The following SCML4 variants were observed in gnomAD, a reference collection of about 807,000 sequenced individuals.
SCML4 encodes the protein Scm polycomb group protein like 4.
A neutral mutation model predicts 41.1 loss-of-function variants in SCML4; 34 were observed. The observed-to-expected ratio is 0.83, with a 90% CI of 0.63 to 1.10. The LOEUF (loss-of-function observed/expected upper bound fraction) is 1.10, where lower values mean the gene tolerates loss of function less well. Ranked by LOEUF, SCML4 falls within the 50% of genes least tolerant of loss-of-function variation. SCML4 has a pLI of 0.00. For synonymous variants in SCML4, 214 were observed against 220.9 expected, an observed-to-expected ratio of 0.97 and a Z score of 0.28; for missense variants, 522 against 534.1, an observed-to-expected ratio of 0.98 and a Z score of 0.22.
intron 2 of SCML4, chr6:107,755,727 G>A: frequency 2.8e-6 from 2 of 714,362 alleles, no homozygotes; most frequent in South Asian, 4.4e-5. Context: ...ACACAGTTCT[G>A]ATATAGTGGT....
Position 107,705,266 on chromosome 6 carries a change from G to C in SCML4, c.1179C>G (p.Gly393=). The C allele has an allele frequency of 6.4e-7, 1 of 1,551,078 alleles. No homozygotes were observed. Among genetic ancestry groups the C allele is most frequent in the Non-Finnish European group, 8.7e-7 (1 of 1,146,290 alleles). Residue 393 remains glycine (G), a synonymous_variant, in exon 8 of 8, where the codon GGC becomes GGG. Transcript: ENST00000369020. ...GTTTCAGTGCAGGTCCCAGCTTCAG[G>C]CCCAGGTACTTCATGACCATGTCAC... ...LKSDMVMKYL[G]LKLGPALKLC...
intron 1 of SCML4, among the ~76,000 whole-genome samples, chr6:107,803,456 C>A (rs2114640561): frequency 6.7e-6 from 1 of 150,050 alleles, no homozygotes; most frequent in South Asian, 2.1e-4. Context: ...CGGCCAGCCG[C>A]CCGGTCCGGG....
intron 1 of SCML4, among the ~76,000 whole-genome samples, chr6:107,781,076 A>G (rs566868725): frequency 5.3e-4 from 81 of 152,322 alleles, no homozygotes; most frequent in Admixed American, 4.1e-3. Context: ...TTTAGTAAGT[A>G]TAGGAGAGCT....
At chr6:107,787,873 C>T (rs991040937) in intron 1 of SCML4, among the ~76,000 whole-genome samples, 1 of 152,168 alleles carries the variant, frequency 6.6e-6, no homozygotes, top group Non-Finnish European at 1.5e-5. Context: ...AAATGTGTAA[C>T]TATGATACCT....
chr6:107,754,609 G>A (rs1778954669), intron 2 of SCML4, among the ~76,000 whole-genome samples: 1 of 152,196 alleles, frequency 6.6e-6, no homozygotes, highest in Admixed American at 6.5e-5. Context: ...TGCCAACACA[G>A]AGATAATAAT....
At chr6:107,760,867 T>C (rs544876851) in intron 2 of SCML4, among the ~76,000 whole-genome samples, 3 of 136,022 alleles carry the variant, frequency 2.2e-5, no homozygotes, top group South Asian at 5.3e-4. Context: ...TGAAAATATA[T>C]CTGGGGAACA....
chr6:107,804,072 A>G (rs1306084741), intron 1 of SCML4, among the ~76,000 whole-genome samples: 1 of 145,948 alleles, frequency 6.9e-6, no homozygotes, highest in Non-Finnish European at 1.5e-5. Context: ...AAAAAGAAAA[A>G]AAAAAAAAAA....
chr6:107,821,248 C>T (rs187461367), intron 1 of SCML4, among the ~76,000 whole-genome samples: 27 of 152,128 alleles, frequency 1.8e-4, no homozygotes, highest in Admixed American at 2.6e-4. Context: ...TGTACCAAGC[C>T]GTTTAATGTC....
At chr6:107,842,480 C>A in the SCML4 span, among the ~76,000 whole-genome samples, 2 of 152,194 alleles carry the variant, frequency 1.3e-5, no homozygotes, top group Admixed American at 1.3e-4. Flanking sequence ...TCACTACAAC[C>A]TCCACCTACC....
intron 2 of SCML4, among the ~76,000 whole-genome samples, chr6:107,752,762 G>T (rs1778796062): frequency 6.6e-6 from 1 of 152,164 alleles, no homozygotes; most frequent in South Asian, 2.1e-4. Flanking sequence ...ATAAATCTTT[G>T]CCCTCGTGGA....
intron 5 of SCML4, among the ~76,000 whole-genome samples, chr6:107,730,064 A>G (rs1776386755): frequency 6.6e-6 from 1 of 152,220 alleles, no homozygotes; most frequent in Non-Finnish European, 1.5e-5. Flanking sequence ...AACATCCAAC[A>G]TGAGGCAGAT....
At chr6:107,708,330 ACT>A in intron 6 of SCML4, among the ~76,000 whole-genome samples, 1 of 150,924 alleles carries the variant, frequency 6.6e-6, no homozygotes, top group Middle Eastern at 3.4e-3. Flanking sequence ...AGTTTTCAAG[ACT>A]CTCCTGCTCA....
intron 5 of SCML4, among the ~76,000 whole-genome samples, chr6:107,737,461 C>T (rs1322496831): frequency 1.3e-5 from 2 of 152,230 alleles, no homozygotes; most frequent in Admixed American, 6.5e-5. Context: ...TCATGCCCTT[C>T]TCTTCCCTTC....
In SCML4 at chr6:107,802,445, A is replaced by G. The variant is rs78777690; in HGVS notation, c.-60+21681T>C. Among the ~76,000 whole-genome samples the G allele has an allele frequency of 5.0e-3, 755 of 152,156 alleles. 9 individuals are homozygous for G. Among genetic ancestry groups the G allele is most frequent in the East Asian group, 0.029 (151 of 5,172 alleles). On this transcript the variant is annotated intron_variant, in intron 1 of 7. Coordinates refer to ENST00000369020, the MANE Select transcript of SCML4 (RefSeq NM_198081.5). ...AAGTCCTGTGGTGGACAGTTCAAAG[A>G]CAGTCAGGAGCCCAGGGTATTGGGT...
At chr6:107,747,538 CT>C (rs1778252012) in intron 3 of SCML4, among the ~76,000 whole-genome samples, 1 of 151,144 alleles carries the variant, frequency 6.6e-6, no homozygotes. Context: ...ACATTCTTAA[CT>C]GTATTAATGT....
chr6:107,758,755 C>A (rs1172905229), intron 2 of SCML4, among the ~76,000 whole-genome samples: 1 of 152,122 alleles, frequency 6.6e-6, no homozygotes, highest in East Asian at 1.9e-4. Context: ...GGACCCTCCC[C>A]TGGAGTCTTC....
At position 107,704,900 on chromosome 6, in the gene SCML4, C is replaced by T. The variant is rs1358229318; in HGVS notation, c.*300G>A. ...CTCCTTGGGCATAAGCATTCAGTTCCCCACTCTCTCGTTATGCAAATAGGA... is the reference window on the plus strand; with the variant it reads ...CTCCTTGGGCATAAGCATTCAGTTCTCCACTCTCTCGTTATGCAAATAGGA... On this transcript the variant is annotated 3_prime_UTR_variant, in exon 8 of 8. Transcript: ENST00000369020. The T allele has an allele frequency of 2.3e-6, 1 of 426,128 alleles. No homozygotes were observed. The highest frequency in any genetic ancestry group is 5.3e-5 in the East Asian group (1 of 18,950). 26.4% of individuals were successfully genotyped at this position (426,128 alleles called of 1,614,324 possible).
In SCML4 at chr6:107,711,778, G is replaced by A. The variant is rs74519263; in HGVS notation, c.974-3767C>T. The stretch of plus-strand genomic sequence containing the variant: ...TCCTACAGAAGAATTCTAGTTAGAA[G>A]TTGAGAAGCCTTCACTTTATTTCCC... On this transcript the variant is annotated intron_variant, in intron 6 of 7. Transcript: ENST00000369020. 4.1e-3 allele frequency among the ~76,000 whole-genome samples: 630 copies of A among 152,342 alleles called. 7 individuals carry two copies. The highest frequency in any genetic ancestry group is 6.3e-3 in the Non-Finnish European group (431 of 68,028).
chr6:107,731,628 C>G (rs567808423), intron 5 of SCML4, among the ~76,000 whole-genome samples: 1 of 152,326 alleles, frequency 6.6e-6, no homozygotes, highest in South Asian at 2.1e-4. Flanking sequence ...CTTTGCCGGT[C>G]TGCCCAGCCC....
Sources: allele counts gnomAD v4.1 joint callset (sites outside exome capture counted in the v4.1 genomes callset), GRCh38; gene constraint gnomAD v4.1.1; transcripts MANE v1.5; gene names NCBI Gene and HGNC (gene_info 2026-07-23, HGNC 2026-07-21).